The following MDGA2 variants were observed in gnomAD, a reference collection of about 807,000 sequenced individuals.
MDGA2 encodes the protein MAM domain-containing glycosylphosphatidylinositol anchor protein 2.
MDGA2 carries 40 observed loss-of-function variants against 117.8 expected under a neutral mutation model. The ratio of observed to expected loss-of-function variants is 0.34; its 90% CI spans 0.26 to 0.44. MDGA2 has a LOEUF of 0.44. MDGA2 is among the 20% of genes least tolerant of loss of function. The probability of loss-of-function intolerance (pLI) is 1.00; values close to 1 mark genes in which losing one functional copy is unlikely to be tolerated. For synonymous variants in MDGA2, 452 were observed against 439.0 expected (o/e 1.03, Z -0.37); for missense variants, 1,123 against 1,250.6 (o/e 0.90, Z 1.54).
intron 2 of MDGA2, among the ~76,000 whole-genome samples, chr14:47,254,822 A>T (rs1383050154): frequency 6.6e-6 from 1 of 152,210 alleles, no homozygotes; most frequent in Non-Finnish European, 1.5e-5. Flanking sequence ...TTATAAAGGA[A>T]AGAGGCTTGG....
chr14:47,185,254 T>G (rs2139384846), intron 3 of MDGA2, among the ~76,000 whole-genome samples: 1 of 151,396 alleles, frequency 6.6e-6, no homozygotes. Context: ...AAGGCAATAG[T>G]TATAAAGTGT....
At chr14:47,395,605 A>G (rs1359344360) in intron 1 of MDGA2, among the ~76,000 whole-genome samples, 3 of 152,148 alleles carry the variant, frequency 2.0e-5, no homozygotes, top group African/African-American at 4.8e-5. Flanking sequence ...GAGAGTTACA[A>G]TGAAAACTAT....
At chr14:47,670,233 A>C (rs1402133913) in intron 1 of MDGA2, among the ~76,000 whole-genome samples, 1 of 152,202 alleles carries the variant, frequency 6.6e-6, no homozygotes, top group East Asian at 1.9e-4. Flanking sequence ...TGGACAGTGA[A>C]TTAACCATTT....
chr14:47,289,614 A>G (rs191731178), intron 2 of MDGA2, among the ~76,000 whole-genome samples: 1 of 152,204 alleles, frequency 6.6e-6, no homozygotes, highest in East Asian at 1.9e-4. Flanking sequence ...TCCACATTAA[A>G]AAAATTACAA....
intron 14 of MDGA2, 83 bp downstream of exon 14, chr14:46,873,350 T>G: frequency 8.0e-7 from 1 of 1,253,836 alleles, no homozygotes; most frequent in South Asian, 2.1e-5. Flanking sequence ...GACCAAAAAT[T>G]GTTTTAATGC....
At chr14:47,525,866 A>G (rs1894963543) in intron 1 of MDGA2, among the ~76,000 whole-genome samples, 1 of 150,362 alleles carries the variant, frequency 6.7e-6, no homozygotes, top group Non-Finnish European at 1.5e-5. Context: ...TAAATTTTTT[A>G]TTGATTCTGT....
chr14:47,356,934 G>A (rs926749899), intron 1 of MDGA2, among the ~76,000 whole-genome samples: 24 of 152,110 alleles, frequency 1.6e-4, no homozygotes, highest in African/African-American at 5.6e-4. Flanking sequence ...CCTGCATATT[G>A]CAGACTATCA....
intron 1 of MDGA2, among the ~76,000 whole-genome samples, chr14:47,396,718 A>G (rs1220859756): frequency 1.3e-5 from 2 of 152,246 alleles, no homozygotes; most frequent in Non-Finnish European, 2.9e-5. Flanking sequence ...TATGTGGCCA[A>G]CAAGTATATG....
intron 7 of MDGA2, among the ~76,000 whole-genome samples, chr14:47,052,635 A>T (rs887377218): frequency 6.6e-6 from 1 of 151,940 alleles, no homozygotes; most frequent in African/African-American, 2.4e-5. Flanking sequence ...CTAGTAAAAT[A>T]TTGATATAAC....
At chr14:46,924,102 T>C (rs1043705308) in intron 9 of MDGA2, among the ~76,000 whole-genome samples, 5 of 152,036 alleles carry the variant, frequency 3.3e-5, no homozygotes, top group African/African-American at 4.8e-5. Flanking sequence ...CTATATTCAT[T>C]AACTGAACTG....
intron 1 of MDGA2, among the ~76,000 whole-genome samples, chr14:47,468,798 C>G (rs568146655): frequency 6.6e-6 from 1 of 152,084 alleles, no homozygotes; most frequent in Non-Finnish European, 1.5e-5. Context: ...AGGTGCATTG[C>G]TTTTCACATG....
At chr14:47,335,006 G>C (rs1171840193) in intron 1 of MDGA2, among the ~76,000 whole-genome samples, 2 of 151,864 alleles carry the variant, frequency 1.3e-5, no homozygotes, top group Non-Finnish European at 2.9e-5. Flanking sequence ...TAAGATAGCA[G>C]TAAAATTATT....
intron 8 of MDGA2, among the ~76,000 whole-genome samples, chr14:47,002,743 A>G (rs1369229280): frequency 6.6e-6 from 1 of 152,038 alleles, no homozygotes; most frequent in Non-Finnish European, 1.5e-5. Flanking sequence ...AAAAAATTTA[A>G]TTTATTTATA....
chr14:46,891,675 C>T (rs151325700), intron 10 of MDGA2, among the ~76,000 whole-genome samples: 191 of 151,214 alleles, frequency 1.3e-3, no homozygotes, highest in African/African-American at 4.3e-3. Context: ...GGTGAAATTT[C>T]GATACATTAA....
At chr14:47,028,630 AG>A (rs1440965501) in intron 8 of MDGA2, among the ~76,000 whole-genome samples, 1 of 152,186 alleles carries the variant, frequency 6.6e-6, no homozygotes, top group Admixed American at 6.5e-5. Context: ...GGCAGTATAG[AG>A]GGTTGCGACT....
At chr14:46,968,329 A>G (rs930639653) in intron 8 of MDGA2, among the ~76,000 whole-genome samples, 1 of 152,184 alleles carries the variant, frequency 6.6e-6, no homozygotes, top group African/African-American at 2.4e-5. Flanking sequence ...AGCAGGCCAA[A>G]ATCCCTGAAG....
intron 14 of MDGA2, among the ~76,000 whole-genome samples, chr14:46,868,191 T>G (rs138340192): frequency 6.6e-6 from 1 of 151,748 alleles, no homozygotes; most frequent in African/African-American, 2.4e-5. Context: ...ATATCAGGAG[T>G]TTTGGGAACA....
chr14:47,221,887 A>T (rs1297817073), intron 2 of MDGA2, among the ~76,000 whole-genome samples: 2 of 152,036 alleles, frequency 1.3e-5, no homozygotes, highest in African/African-American at 2.4e-5. Context: ...TTTTAATATA[A>T]GTTTACATTG....
chr14:46,954,947 A>C (rs371134854), intron 9 of MDGA2, among the ~76,000 whole-genome samples: 94 of 152,052 alleles, frequency 6.2e-4, no homozygotes, highest in African/African-American at 2.2e-3. Context: ...CATCTATTTA[A>C]TCACTCTAGA....
Sources: gnomAD v4.1 joint callset for allele counts (sites outside exome capture counted in the v4.1 genomes callset) on GRCh38, gnomAD v4.1.1 for gene constraint, MANE v1.5 for transcripts, NCBI Gene and HGNC (gene_info 2026-07-23, HGNC 2026-07-21) for gene names.